The following PCDH11X variants were observed in gnomAD, a reference collection of about 807,000 sequenced individuals.
PCDH11X encodes the protein protocadherin 11 X-linked, also known as protocadherin-11 X-linked.
PCDH11X carries 18 observed loss-of-function variants against 53.3 expected under a neutral mutation model. The observed-to-expected ratio is 0.34, with a 90% CI of 0.23 to 0.50. The LOEUF is 0.50. Among genes scored for constraint, PCDH11X ranks in the 20% least tolerant of loss-of-function variants. The pLI, the probability that PCDH11X is intolerant of heterozygous loss-of-function variation, is 0.98. For synonymous variants in PCDH11X, 279 were observed against 393.3 expected (o/e 0.71, Z 3.44); for missense variants, 570 against 1,032.4 (o/e 0.55, Z 6.14).
intron 6 of PCDH11X, among the ~76,000 whole-genome samples, chrX:92,011,808 C>T (rs189461664): frequency 3.1e-4 from 34 of 110,571 alleles, no homozygotes; most frequent in Admixed American, 2.7e-3. Context: ...TACAAGAGAT[C>T]CTGAAAATCA....
At chrX:91,812,694 A>G (rs1490703794) in intron 4 of PCDH11X, among the ~76,000 whole-genome samples, 3 of 111,009 alleles carry the variant, frequency 2.7e-5, no homozygotes, top group Admixed American at 9.7e-5. Context: ...TCAATGCTCA[A>G]AATCATTCCT....
chrX:91,847,273 C>T (rs758444891), intron 5 of PCDH11X, among the ~76,000 whole-genome samples: 4 of 110,745 alleles, frequency 3.6e-5, no homozygotes, highest in Admixed American at 2.9e-4. Context: ...TCAATCAATT[C>T]CCCTGCCTCA....
intron 8 of PCDH11X, among the ~76,000 whole-genome samples, chrX:92,338,965 A>G (rs1166500435): frequency 8.9e-6 from 1 of 111,953 alleles, no homozygotes; most frequent in African/African-American, 3.2e-5. Flanking sequence ...AGTCAAAGCC[A>G]TTCTAAGCAA....
intron 8 of PCDH11X, among the ~76,000 whole-genome samples, chrX:92,323,610 A>G (rs1338520266): frequency 4.5e-5 from 5 of 110,420 alleles, no homozygotes; most frequent in Non-Finnish European, 9.5e-5. Context: ...TTTAGGGTAC[A>G]TGTGCACAAT....
chrX:92,237,703 T>C (rs2067196465), intron 7 of PCDH11X, among the ~76,000 whole-genome samples: 1 of 111,469 alleles, frequency 9.0e-6, no homozygotes, highest in South Asian at 3.7e-4. Context: ...CTCCTTAACC[T>C]CTTAAAGCTC....
At chrX:91,960,715 C>A (rs909342851) in intron 6 of PCDH11X, among the ~76,000 whole-genome samples, 1 of 111,463 alleles carries the variant, frequency 9.0e-6, no homozygotes, top group Non-Finnish European at 1.9e-5. Context: ...TGAGCCACCA[C>A]ACCTGGCCAG....
At chrX:92,226,471 T>C (rs1035096518) in intron 7 of PCDH11X, among the ~76,000 whole-genome samples, 10 of 111,667 alleles carry the variant, frequency 9.0e-5, no homozygotes, top group African/African-American at 2.9e-4. Flanking sequence ...TGACCCATAA[T>C]CAAACAAGGT....
At chrX:92,223,656 GACTC>G (rs770131550) in intron 7 of PCDH11X, among the ~76,000 whole-genome samples, 3 of 111,833 alleles carry the variant, frequency 2.7e-5, no homozygotes, top group African/African-American at 9.7e-5. Context: ...TGTTGCGACT[GACTC>G]ACTATGTAAT....
chrX:91,794,874 G>A (rs1050024940), intron 1 of PCDH11X, among the ~76,000 whole-genome samples: 6 of 110,262 alleles, frequency 5.4e-5, no homozygotes, highest in Admixed American at 9.8e-5. Flanking sequence ...TCATAGGGGC[G>A]GGTTTTTCTG....
intron 6 of PCDH11X, among the ~76,000 whole-genome samples, chrX:92,127,299 G>A (rs369505463): frequency 1.1e-4 from 12 of 107,468 alleles, no homozygotes; most frequent in East Asian, 8.9e-4. Flanking sequence ...AGTGCTTTCC[G>A]TACCAGCCAA....
At chrX:92,109,016 G>A (rs2148152939) in intron 6 of PCDH11X, among the ~76,000 whole-genome samples, 1 of 111,464 alleles carries the variant, frequency 9.0e-6, no homozygotes, top group Admixed American at 9.6e-5. Context: ...CGGCTGTGTG[G>A]GAGACTGGAG....
At chrX:92,518,748 ATTTTTTTTT>A (rs762759156) in intron 10 of PCDH11X, among the ~76,000 whole-genome samples, 2 of 59,441 alleles carry the variant, frequency 3.4e-5, no homozygotes, top group South Asian at 2.4e-3. Flanking sequence ...TACCAATAAA[ATTTTTTTTT>A]TTTTTTTTTT....
chrX:91,973,517 A>T lies in PCDH11X; in HGVS notation c.3033+94244A>T, dbSNP rs1272530204. ...GTGTTCTCACCACACAAAAAATGAT[A>T]AGTATGTGAGCTAATGTGTGTTAAA... On this transcript the variant is annotated intron_variant, in intron 6 of 10. Transcript: ENST00000682573. Among the ~76,000 whole-genome samples, 4 of 108,924 alleles carry T rather than the reference A, an allele frequency of 3.7e-5. No homozygotes were observed. The East Asian group carries it at 1.2e-3, about 31-fold the overall frequency. 94.6% of individuals were successfully genotyped at this position (108,924 alleles called of 115,157 possible).
intron 10 of PCDH11X, among the ~76,000 whole-genome samples, chrX:92,518,748 A>ATTTTTTTTT (rs762759156): frequency 1.7e-5 from 1 of 59,441 alleles, no homozygotes; most frequent in Non-Finnish European, 2.9e-5. Context: ...TACCAATAAA[A>ATTTTTTTTT]TTTTTTTTTT....
chrX:92,215,333 C>T (rs1406694636), intron 7 of PCDH11X, among the ~76,000 whole-genome samples: 5 of 107,246 alleles, frequency 4.7e-5, no homozygotes, highest in Non-Finnish European at 7.7e-5. Context: ...CCTGGAAAAT[C>T]GGGTCACTCC....
intron 6 of PCDH11X, among the ~76,000 whole-genome samples, chrX:92,200,747 C>T (rs944441907): frequency 3.3e-4 from 37 of 111,567 alleles, no homozygotes; most frequent in African/African-American, 5.9e-4. Flanking sequence ...GTTGTGGTGG[C>T]GCACACAAGA....
At chrX:92,152,795 G>T (rs6615331) in intron 6 of PCDH11X, among the ~76,000 whole-genome samples, 1,776 of 76,601 alleles carry the variant, frequency 0.023, 13 homozygotes, top group East Asian at 0.049. Context: ...ATGTATGTAT[G>T]TATTTATTTA....
At chrX:92,079,529 C>T (rs2063824075) in intron 6 of PCDH11X, among the ~76,000 whole-genome samples, 1 of 110,686 alleles carries the variant, frequency 9.0e-6, no homozygotes, top group Non-Finnish European at 1.9e-5. Flanking sequence ...AGTGGGTGTC[C>T]TCAGGCAAGT....
At chrX:92,108,662 T>G (rs1268896517) in intron 6 of PCDH11X, among the ~76,000 whole-genome samples, 1 of 111,886 alleles carries the variant, frequency 8.9e-6, no homozygotes, top group South Asian at 3.7e-4. Flanking sequence ...AAATACTTTT[T>G]AAATAGAATT....
Sources: allele counts gnomAD v4.1 joint callset (sites outside exome capture counted in the v4.1 genomes callset), GRCh38; gene constraint gnomAD v4.1.1; transcripts MANE v1.5; gene names NCBI Gene and HGNC (gene_info 2026-07-23, HGNC 2026-07-21).